RERE: variants seen among roughly 807,000 people sequenced by gnomAD.
RERE encodes the protein arginine-glutamic acid dipeptide repeats, also known as arginine-glutamic acid dipeptide repeats protein.
RERE carries 40 observed loss-of-function variants against 146.1 expected under a neutral mutation model. The observed-to-expected ratio is 0.27, with a 90% CI of 0.21 to 0.36. The LOEUF is 0.36. Among genes scored for constraint, RERE ranks in the 10% least tolerant of loss-of-function variants. The pLI is 1.00. For synonymous variants in RERE, 1,003 were observed against 866.0 expected, an observed-to-expected ratio of 1.16 and a Z score of -2.78; for missense variants, 1,933 against 2,138.7, an observed-to-expected ratio of 0.90 and a Z score of 1.90.
In RERE at chr1:8,533,063, T is replaced by TA. The variant is rs576735867; in HGVS notation, c.830+8150dup. ...ATTTTTCTTTTCGGTCTAATGAGAT[T>TA]AAAAAAATTATCCAATGCAAATTAT... is the stretch of plus-strand genomic sequence containing the variant. On this transcript the variant is annotated intron_variant, in intron 7 of 22. Transcript: ENST00000400908. Among the ~76,000 whole-genome samples, 35 of 152,290 alleles carry TA rather than the reference T, an allele frequency of 2.3e-4. No individual in the cohort carries two copies. In the Middle Eastern group the frequency reaches 0.01, roughly 44 times the overall value.
At chr1:8,564,848 GTGTGTGTGTGTGTGTGTGTGTGTA>G (rs1646131265) in intron 4 of RERE, among the ~76,000 whole-genome samples, 1 of 141,140 alleles carries the variant, frequency 7.1e-6, no homozygotes, top group African/African-American at 2.7e-5. Flanking sequence ...GTGTGTGTGT[GTGTGTGTGTGTGTGTGTGTGTGTA>G]TATATATATA....
At chr1:8,497,708 A>G (rs1645063829) in intron 8 of RERE, among the ~76,000 whole-genome samples, 179 bp from the exon 9 acceptor site, 1 of 152,240 alleles carries the variant, frequency 6.6e-6, no homozygotes, top group Non-Finnish European at 1.5e-5. Flanking sequence ...TGTCAGGATC[A>G]TTTCACCATA....
At position 8,361,163 on chromosome 1, in the gene RERE, A is replaced by G. The variant is rs753831406; in HGVS notation, c.2344T>C (p.Ser782Pro). 1 of 1,449,750 alleles carries G rather than the reference A, an allele frequency of 6.9e-7. No individual in the cohort carries two copies. Among genetic ancestry groups the G allele is most frequent in the Non-Finnish European group, 9.0e-7 (1 of 1,106,894 alleles). 89.8% of individuals were successfully genotyped at this position (1,449,750 alleles called of 1,614,324 possible). Residue 782 changes from serine (S) to proline (P), a missense_variant, in exon 18 of 23, where the codon TCC becomes CCC. Physicochemically the swap from Ser to Pro is moderately conservative, Grantham distance 74. Coordinates refer to ENST00000400908, the MANE Select transcript of RERE (RefSeq NM_001042681.2). ...AVPPQGSPTA[S>P]QAPNQPQAPT... ...GCCTGTGGCTGGTTAGGGGCCTGGGAGGCCGTGGGGGAGCCCTGTGGGGGA... is the reference window on the plus strand; with the variant it reads ...GCCTGTGGCTGGTTAGGGGCCTGGGGGGCCGTGGGGGAGCCCTGTGGGGGA...
intron 11 of RERE, among the ~76,000 whole-genome samples, chr1:8,454,572 C>A (rs184896121): frequency 6.6e-6 from 1 of 151,672 alleles, no homozygotes; most frequent in African/African-American, 2.4e-5. Flanking sequence ...TTTGGGAGGC[C>A]GAGGCAGGTG....
chr1:8,606,611 G>A (rs1272739068), intron 4 of RERE, among the ~76,000 whole-genome samples: 2 of 152,056 alleles, frequency 1.3e-5, no homozygotes, highest in Non-Finnish European at 2.9e-5. Flanking sequence ...GGATGAGGAG[G>A]GAAAAGCCAA....
At chr1:8,444,635 A>G (rs980761507) in intron 11 of RERE, among the ~76,000 whole-genome samples, 3 of 152,176 alleles carry the variant, frequency 2.0e-5, no homozygotes, top group Non-Finnish European at 4.4e-5. Context: ...GGCCTGGTGG[A>G]AGGTTACTGG....
chr1:8,381,980 C>T (rs187649190), intron 12 of RERE, among the ~76,000 whole-genome samples: 1 of 152,364 alleles, frequency 6.6e-6, no homozygotes, highest in Admixed American at 6.5e-5. Flanking sequence ...AGCGTTTTCT[C>T]ATTTCACGCT....
At chr1:8,531,344 G>A (rs553173246) in intron 7 of RERE, among the ~76,000 whole-genome samples, 2 of 152,004 alleles carry the variant, frequency 1.3e-5, no homozygotes, top group Non-Finnish European at 2.9e-5. Context: ...TCAGTAGTCT[G>A]AAGTGGGAGG....
At chr1:8,790,070 T>C (rs1252978358) in intron 1 of RERE, among the ~76,000 whole-genome samples, 4 of 152,152 alleles carry the variant, frequency 2.6e-5, no homozygotes, top group Non-Finnish European at 4.4e-5. Flanking sequence ...ACAGCAACAT[T>C]AAACTTGGAA....
intron 1 of RERE, among the ~76,000 whole-genome samples, chr1:8,723,822 A>T (rs1639906753): frequency 6.6e-6 from 1 of 152,248 alleles, no homozygotes; most frequent in African/African-American, 2.4e-5. Context: ...AAGGACTGAA[A>T]CCAGAAACAA....
chr1:8,606,987 TCACTC>T (rs1397880079), intron 4 of RERE, among the ~76,000 whole-genome samples: 1 of 152,184 alleles, frequency 6.6e-6, no homozygotes, highest in Non-Finnish European at 1.5e-5. Flanking sequence ...TACTTCAACT[TCACTC>T]CAGTCCTTAG....
Position 8,556,354 on chromosome 1 carries a change from T to C in RERE, c.725+121A>G, listed in dbSNP as rs2124423275. 2 of 620,910 alleles carry C rather than the reference T, an allele frequency of 3.2e-6. 1 individual carries two copies. Among genetic ancestry groups the C allele is most frequent in the South Asian group, 4.5e-5 (2 of 44,412 alleles). The allele number at this position is 620,910 out of a possible 1,614,324, so 38.5% of individuals were successfully genotyped here. On this transcript the variant is annotated intron_variant, in intron 6 of 22. Coordinates refer to ENST00000400908, the MANE Select transcript of RERE (RefSeq NM_001042681.2). ...CCAGAGCGGACACTGGCATGTTCACTGAGGCCAAAAGAGGAGTCTGATTAA... is the reference window on the plus strand; with the variant it reads ...CCAGAGCGGACACTGGCATGTTCACCGAGGCCAAAAGAGGAGTCTGATTAA...
chr1:8,541,638 A>G (rs1645802166), intron 6 of RERE, among the ~76,000 whole-genome samples: 1 of 152,204 alleles, frequency 6.6e-6, no homozygotes, highest in Non-Finnish European at 1.5e-5. Context: ...TTGTGAATAT[A>G]AGAAAAACTC....
intron 1 of RERE, among the ~76,000 whole-genome samples, chr1:8,691,186 G>A (rs1020028795): frequency 1.1e-4 from 17 of 152,132 alleles, no homozygotes; most frequent in African/African-American, 3.9e-4. Context: ...ATGAGCCACC[G>A]TGCCCGGCCG....
intron 1 of RERE, among the ~76,000 whole-genome samples, chr1:8,803,028 T>C (rs929410301): frequency 3.3e-5 from 5 of 152,166 alleles, no homozygotes; most frequent in African/African-American, 1.2e-4. Context: ...ATTCAGGACA[T>C]TGGAACTAAG....
chr1:8,370,664 A>G (rs1570070777), intron 12 of RERE, among the ~76,000 whole-genome samples: 1 of 152,204 alleles, frequency 6.6e-6, no homozygotes, highest in East Asian at 1.9e-4. Flanking sequence ...CAAGGTCTTG[A>G]GCACAAACAA....
intron 1 of RERE, among the ~76,000 whole-genome samples, chr1:8,691,390 T>A (rs1639203747): frequency 6.6e-6 from 1 of 152,168 alleles, no homozygotes; most frequent in Admixed American, 6.5e-5. Context: ...GGAACCCCTT[T>A]ATAAACCATT....
intron 12 of RERE, among the ~76,000 whole-genome samples, chr1:8,370,610 C>G (rs1040409892): frequency 3.9e-5 from 6 of 152,124 alleles, no homozygotes; most frequent in South Asian, 2.1e-4. Context: ...TGGAATGAAG[C>G]GAGTCTAGGA....
intron 1 of RERE, among the ~76,000 whole-genome samples, chr1:8,658,924 A>G (rs1638391419): frequency 6.6e-6 from 1 of 152,198 alleles, no homozygotes; most frequent in South Asian, 2.1e-4. Flanking sequence ...AGCAAAATAG[A>G]AAGTATTTAG....
Sources: allele counts gnomAD v4.1 joint callset (sites outside exome capture counted in the v4.1 genomes callset), GRCh38; gene constraint gnomAD v4.1.1; transcripts MANE v1.5; gene names NCBI Gene and HGNC (gene_info 2026-07-23, HGNC 2026-07-21).